Variants in HS6ST3 observed in about 807,000 individuals in gnomAD.
The protein encoded by HS6ST3 is heparan-sulfate 6-O-sulfotransferase 3.
Under a neutral mutation model 36.7 loss-of-function variants are expected in HS6ST3, and 12 were observed. That is an observed-to-expected ratio of 0.33 (90% CI 0.21 to 0.53). The LOEUF (loss-of-function observed/expected upper bound fraction) is 0.53. Ranked by LOEUF, HS6ST3 falls within the 20% of genes least tolerant of loss-of-function variation. The probability of loss-of-function intolerance (pLI) is 0.95; values close to 1 mark genes in which losing one functional copy is unlikely to be tolerated. For missense variants in HS6ST3, 584 were observed against 640.9 expected (o/e 0.91, Z 0.96); for synonymous variants, 240 against 257.5 (o/e 0.93, Z 0.65).
At chr13:96,594,976 G>T (rs1186762366) in intron 1 of HS6ST3, among the ~76,000 whole-genome samples, 1 of 152,154 alleles carries the variant, frequency 6.6e-6, no homozygotes, top group Non-Finnish European at 1.5e-5. Context: ...CTGAAGGAGA[G>T]CCTTATGGCT....
intron 1 of HS6ST3, among the ~76,000 whole-genome samples, chr13:96,562,975 A>G (rs2056267842): frequency 1.3e-5 from 2 of 151,986 alleles, no homozygotes; most frequent in South Asian, 4.2e-4. Context: ...GGGCTGGCTA[A>G]GAAAGAGAAG....
At chr13:96,794,881 T>C (rs560352997) in intron 1 of HS6ST3, among the ~76,000 whole-genome samples, 1 of 152,160 alleles carries the variant, frequency 6.6e-6, no homozygotes, top group East Asian at 1.9e-4. Flanking sequence ...ACAAAGAAAA[T>C]GTGTCAGTCA....
intron 1 of HS6ST3, among the ~76,000 whole-genome samples, chr13:96,636,269 G>A (rs1269806478): frequency 3.9e-5 from 6 of 152,146 alleles, no homozygotes; most frequent in African/African-American, 1.4e-4. Context: ...TCTGATAATA[G>A]CAAACAGGCT....
intron 1 of HS6ST3, among the ~76,000 whole-genome samples, chr13:96,703,397 C>T (rs1875339915): frequency 6.6e-6 from 1 of 152,172 alleles, no homozygotes; most frequent in Admixed American, 6.5e-5. Flanking sequence ...AGGAAGCAAC[C>T]TGTAATTTAC....
chr13:96,784,520 A>AT (rs1490775856), intron 1 of HS6ST3, among the ~76,000 whole-genome samples: 1 of 152,178 alleles, frequency 6.6e-6, no homozygotes, highest in Non-Finnish European at 1.5e-5. Flanking sequence ...TGTCATCATT[A>AT]TTTTTTGTGA....
At chr13:96,201,409 C>CA (rs1373169087) in intron 1 of HS6ST3, among the ~76,000 whole-genome samples, 5 of 151,548 alleles carry the variant, frequency 3.3e-5, no homozygotes, top group African/African-American at 9.7e-5. Context: ...GGTCTTTACA[C>CA]AAAAAATTTA....
chr13:96,426,170 C>T (rs373379137), intron 1 of HS6ST3, among the ~76,000 whole-genome samples: 1 of 151,936 alleles, frequency 6.6e-6, no homozygotes, highest in East Asian at 1.9e-4. Context: ...ACCCCTGCTT[C>T]AGGCAGGGGT....
chr13:96,256,094 G>A (rs1399820678), intron 1 of HS6ST3, among the ~76,000 whole-genome samples: 1 of 152,112 alleles, frequency 6.6e-6, no homozygotes, highest in Non-Finnish European at 1.5e-5. Context: ...TCATAAAACA[G>A]AAAAGATCAG....
At chr13:96,654,139 T>C (rs35427563) in intron 1 of HS6ST3, among the ~76,000 whole-genome samples, 13,497 of 152,228 alleles carry the variant, frequency 0.089, 1,190 homozygotes, top group African/African-American at 0.22. Context: ...TTACAAAAAT[T>C]TTCCCCCATT....
Position 96,095,863 on chromosome 13 carries a change from G to GGTGTGTGTGTGTGTGT in HS6ST3, c.707+4319_707+4334dup, listed in dbSNP as rs141939376. Among the ~76,000 whole-genome samples the GGTGTGTGTGTGTGTGT allele has an allele frequency of 4.4e-3, 620 of 140,398 alleles. 4 individuals are homozygous for GGTGTGTGTGTGTGTGT. Among genetic ancestry groups the GGTGTGTGTGTGTGTGT allele is most frequent in the African/African-American group, 0.012 (452 of 36,856 alleles). 92.1% of individuals were successfully genotyped at this position (140,398 alleles called of 152,430 possible). On this transcript the variant is annotated intron_variant, in intron 1 of 1. Transcript: ENST00000376705. ...GTATCACAGAACCATTTATATGACT[G>GGTGTGTGTGTGTGTGT]GTGTGTGTGTGTGTGTGTGTGTGTG...
At chr13:96,358,869 AATCTATCTATCTATCTATCT>A (rs58185989) in intron 1 of HS6ST3, among the ~76,000 whole-genome samples, 6 of 147,520 alleles carry the variant, frequency 4.1e-5, no homozygotes, top group Non-Finnish European at 6.0e-5. Flanking sequence ...GTATATATAT[AATCTATCTATCTATCTATCT>A]ATCTATCTAT....
chr13:96,329,938 G>T (rs2055055765), intron 1 of HS6ST3, among the ~76,000 whole-genome samples: 1 of 149,808 alleles, frequency 6.7e-6, no homozygotes, highest in South Asian at 2.1e-4. Flanking sequence ...ATTATGTAAT[G>T]GCCTTCTTTG....
intron 1 of HS6ST3, among the ~76,000 whole-genome samples, chr13:96,769,011 G>C (rs1877190907): frequency 6.6e-6 from 1 of 152,028 alleles, no homozygotes; most frequent in Non-Finnish European, 1.5e-5. Context: ...GATGTTGCTG[G>C]TCCATGAGCC....
chr13:96,417,281 G>A (rs1323328951), intron 1 of HS6ST3, among the ~76,000 whole-genome samples: 3 of 152,082 alleles, frequency 2.0e-5, no homozygotes, highest in African/African-American at 7.2e-5. Flanking sequence ...GAGGTTTAGA[G>A]CAAAACAAAG....
chr13:96,530,285 A>G (rs1388247082), intron 1 of HS6ST3, among the ~76,000 whole-genome samples: 1 of 152,184 alleles, frequency 6.6e-6, no homozygotes, highest in South Asian at 2.1e-4. Flanking sequence ...CTAGGGATTA[A>G]TGGAACATAA....
chr13:96,784,911 C>T (rs575921006), intron 1 of HS6ST3, among the ~76,000 whole-genome samples: 2 of 152,142 alleles, frequency 1.3e-5, no homozygotes, highest in Non-Finnish European at 2.9e-5. Context: ...CTCACTCCTG[C>T]GATCCCAGCA....
chr13:96,304,857 C>T (rs1460729445), intron 1 of HS6ST3, among the ~76,000 whole-genome samples: 5 of 151,490 alleles, frequency 3.3e-5, no homozygotes, highest in African/African-American at 1.2e-4. Context: ...ACTACAGGCA[C>T]CTGCCACCAT....
chr13:96,209,132 G>A (rs543717027), intron 1 of HS6ST3, among the ~76,000 whole-genome samples: 10 of 152,288 alleles, frequency 6.6e-5, no homozygotes, highest in African/African-American at 2.4e-4. Flanking sequence ...GAGATACAGA[G>A]TGTAGACATC....
intron 1 of HS6ST3, among the ~76,000 whole-genome samples, chr13:96,510,546 G>T (rs967002283): frequency 2.0e-5 from 3 of 151,922 alleles, no homozygotes; most frequent in Non-Finnish European, 2.9e-5. Flanking sequence ...AGCTCTAATG[G>T]GGGTGGCAGA....
Sources: allele counts gnomAD v4.1 joint callset (sites outside exome capture counted in the v4.1 genomes callset), GRCh38; gene constraint gnomAD v4.1.1; transcripts MANE v1.5; gene names NCBI Gene and HGNC (gene_info 2026-07-23, HGNC 2026-07-21).